Variants in IRX2 observed in about 807,000 individuals in gnomAD.
IRX2 encodes the protein iroquois-class homeodomain protein IRX-2.
In IRX2, 26 loss-of-function variants were observed where a neutral mutation model predicts 42.9. The ratio of observed to expected loss-of-function variants is 0.61; its 90% CI spans 0.44 to 0.84. The LOEUF (loss-of-function observed/expected upper bound fraction) is 0.84. Among genes scored for constraint, IRX2 ranks in the 40% least tolerant of loss-of-function variants. IRX2 has a pLI of 0.00. For missense variants in IRX2, 782 were observed against 713.9 expected (o/e 1.10, Z -1.09); for synonymous variants, 424 against 353.9 (o/e 1.20, Z -2.22).
intron 1 of IRX2, among the ~76,000 whole-genome samples, chr5:2,750,067 T>G (rs1357916166): frequency 6.6e-6 from 1 of 152,186 alleles, no homozygotes; most frequent in Non-Finnish European, 1.5e-5. Context: ...CTCGTGGCAA[T>G]GTACACAAAC....
the IRX2 span, among the ~76,000 whole-genome samples, chr5:2,739,195 G>C: frequency 3.9e-5 from 6 of 152,236 alleles, no homozygotes; most frequent in Non-Finnish European, 8.8e-5. Context: ...GGGCCCGCGG[G>C]GAGCGGTGCA....
chr5:2,742,488 A>T (rs779903702), downstream of IRX2, among the ~76,000 whole-genome samples: 1 of 152,264 alleles, frequency 6.6e-6, no homozygotes, highest in African/African-American at 2.4e-5. Flanking sequence ...GATGTTAATC[A>T]TAATATCCAC....
Position 2,748,693 on chromosome 5 carries a change from C to T in IRX2, c.1015G>A (p.Asp339Asn), listed in dbSNP as rs543381914. ...LWSLAEIATS[D>N]LKQPSLGPGC... is the part of the protein sequence containing the mutation. ...GGGCCCAGGCTCGGCTGCTTGAGGT[C>T]CGACGTGGCGATCTCGGCCAGCGAC... The change falls in exon 3 of 4, where the codon GAC becomes AAC. Residue 339 changes from aspartate to asparagine, a missense_variant. This residue lies in a region of IRX2 where 520 missense variants were observed against 437.8 expected (regional missense o/e 1.19). Coordinates refer to ENST00000302057, the MANE Select transcript of IRX2 (RefSeq NM_033267.5). 7 of 1,399,282 alleles carry T rather than the reference C, an allele frequency of 5.0e-6. No homozygotes were observed. The South Asian group carries it at 1.1e-4, about 22-fold the overall frequency. The allele number at this position is 1,399,282 out of a possible 1,614,324, so 86.7% of individuals were successfully genotyped here.
chr5:2,749,883 C>A (rs1489944597), intron 1 of IRX2, 96 bp from the exon 2 acceptor site: 3 of 1,311,336 alleles, frequency 2.3e-6, no homozygotes, highest in East Asian at 4.9e-5. Context: ...GGCCACCGTT[C>A]CCCCCGTGAG....
rs1560949679 is a variant in IRX2, at chr5:2,748,788, C to T, written c.920G>A (p.Gly307Asp). 1 of 1,411,090 alleles carries T rather than the reference C, an allele frequency of 7.1e-7. No individual in the cohort carries two copies. The allele number at this position is 1,411,090 out of a possible 1,614,324, so 87.4% of individuals were successfully genotyped here. ...CCGGCTGCCCTGGGGCGTCTTGCGGCCACCGCGGGGCGCGGCCTCGGGCGG... is the reference window on the plus strand; with the variant it reads ...CCGGCTGCCCTGGGGCGTCTTGCGGTCACCGCGGGGCGCGGCCTCGGGCGG... Reference protein sequence around the residue: ...SPPPEAAPRGGRKTPQGSRTS... With the variant: ...SPPPEAAPRGDRKTPQGSRTS... Residue 307 changes from glycine (G) to aspartate (D), a missense_variant, in exon 3 of 4, where the codon GGC becomes GAC. Transcript: ENST00000302057.
chr5:2,750,799 C>A (rs1387515955), intron 1 of IRX2, among the ~76,000 whole-genome samples: 3 of 152,236 alleles, frequency 2.0e-5, no homozygotes, highest in Non-Finnish European at 4.4e-5. Flanking sequence ...CAGGCGAGCA[C>A]ACAGCCCGCT....
rs1737804021 is a variant in IRX2, at chr5:2,748,916, C to T, written c.792G>A (p.Glu264=). ...SECKDKYDDL[E]DDEDDDEEGE... ...CCTCCTCGTCGTCGTCCTCGTCGTC[C>T]TCCAGGTCGTCATACTTGTCCTTGC... Residue 264 remains glutamate (E), a synonymous_variant, in exon 3 of 4, where the codon GAG becomes GAA. Transcript: ENST00000302057. 4 of 1,596,534 alleles carry T rather than the reference C, an allele frequency of 2.5e-6. No homozygotes were observed. The highest frequency in any genetic ancestry group is 1.3e-5 in the African/African-American group (1 of 74,760).
chr5:2,749,865 C>A, intron 1 of IRX2, 78 bp from the exon 2 acceptor site: 1 of 1,418,924 alleles, frequency 7.0e-7, no homozygotes, highest in Non-Finnish European at 9.4e-7. Flanking sequence ...ACCCCTCCGC[C>A]CGCCCACGGC....
In IRX2 at chr5:2,751,350, C is replaced by A; in HGVS notation, c.64G>T (p.Ala22Ser). Residue 22 changes from alanine to serine, a missense_variant, in exon 1 of 4, where the codon GCC becomes TCC. Transcript: ENST00000302057. This position sits in a 1 kb window ranked among gnomAD's most constrained non-coding sequence, Gnocchi z 4.0. ...PGSLALYSCP[A>S]YGASALAAPR... The stretch of plus-strand genomic sequence containing the variant: ...GCCGCCAAAGCCGACGCGCCGTAGG[C>A]CGGGCACGAGTAGAGCGCCAGCGAG... The A allele has an allele frequency of 6.9e-7, 1 of 1,439,722 alleles. No homozygotes were observed. The highest frequency in any genetic ancestry group is 9.1e-7 in the Non-Finnish European group (1 of 1,097,260). The allele number at this position is 1,439,722 out of a possible 1,614,324, so 89.2% of individuals were successfully genotyped here. A position where few individuals can be genotyped will look rare whatever the true frequency, so the allele number is the denominator to read the frequency against.
At chr5:2,746,058 T>C (rs2111440096), downstream of IRX2, 1 of 152,108 alleles carries the variant, frequency 6.6e-6, no homozygotes, top group Middle Eastern at 3.4e-3. Context: ...GAGAGTTTAT[T>C]TCACACAGGT....
chr5:2,748,569 C>T lies in IRX2; in HGVS notation c.1139G>A (p.Arg380His). The T allele has an allele frequency of 6.4e-7, 1 of 1,565,892 alleles. No homozygotes were observed. Residue 380 changes from arginine to histidine, a missense_variant, in exon 3 of 4, where the codon CGC becomes CAC. Transcript: ENST00000302057. ...SPYPASPLLG[R>H]PLYYTSPFYG... is the part of the protein sequence containing the mutation. ...GAAGGGCGACGTGTAGTAGAGGGGGCGGCCCAGCAGCGGCGAGGCAGGGTA... is the reference window on the plus strand; with the variant it reads ...GAAGGGCGACGTGTAGTAGAGGGGGTGGCCCAGCAGCGGCGAGGCAGGGTA...
At position 2,747,515 on chromosome 5, in the gene IRX2, T is replaced by C. The variant is rs1267836980; in HGVS notation, c.*49A>G. 1 of 1,567,758 alleles carries C rather than the reference T, an allele frequency of 6.4e-7. No individual in the cohort carries two copies. The highest frequency in any genetic ancestry group is 8.8e-7 in the Non-Finnish European group (1 of 1,138,460). On this transcript the variant is annotated 3_prime_UTR_variant, in exon 4 of 4. Transcript: ENST00000302057. ...TGGTGCTGGGAGGCTCCACAGGGTC[T>C]GGGAAGCACCAGGGTGCCCACTTAC...
the IRX2 span, among the ~76,000 whole-genome samples, chr5:2,738,382 CA>C: frequency 6.6e-6 from 1 of 152,192 alleles, no homozygotes; most frequent in Non-Finnish European, 1.5e-5. Flanking sequence ...CATTATAAAA[CA>C]AATTGTTTTT....
Position 2,751,180 on chromosome 5 carries a change from GC to G in IRX2, c.233del (p.Gly78AlafsTer17), listed in dbSNP as rs1312755968. ...YSADAAAAAA[G>X]FPSYMGAPYD... ...GCCCGGTTACCATGTAGGACGGGAA[GC>G]CGGCGGCGGCGGCGGCGGCGTCGGC... On this transcript the variant is annotated frameshift_variant, in exon 1 of 4. Coordinates refer to ENST00000302057, the MANE Select transcript of IRX2 (RefSeq NM_033267.5). LOFTEE classifies it high-confidence loss of function. This position sits in a 1 kb window ranked among gnomAD's most constrained non-coding sequence, Gnocchi z 4.0. 1 of 1,267,550 alleles carries G rather than the reference GC, an allele frequency of 7.9e-7. No homozygotes were observed. The highest frequency in any genetic ancestry group is 1.6e-5 in the African/African-American group (1 of 63,578). 78.5% of individuals were successfully genotyped at this position (1,267,550 alleles called of 1,614,324 possible).
chr5:2,749,579 A>G lies in IRX2; in HGVS notation c.458T>C (p.Ile153Thr). The G allele has an allele frequency of 6.2e-7, 1 of 1,614,078 alleles. No homozygotes were observed. Among genetic ancestry groups the G allele is most frequent in the Non-Finnish European group, 8.5e-7 (1 of 1,180,004 alleles). The change falls in exon 2 of 4, where the codon ATC becomes ACC. Residue 153 changes from isoleucine (I) to threonine (T), a missense_variant. Ile to Thr is a moderately conservative substitution (Grantham distance 89). Coordinates refer to ENST00000302057, the MANE Select transcript of IRX2 (RefSeq NM_033267.5). ...GACCTGGGTGAGGGTCATCTTGGTG[A>G]TGATGGCTAGCATGATCTTCTCGCC... is the stretch of plus-strand genomic sequence containing the variant. ...TKGEKIMLAI[I>T]TKMTLTQVST...
downstream of IRX2, among the ~76,000 whole-genome samples, chr5:2,741,086 C>T (rs1160924739): frequency 3.3e-5 from 5 of 152,260 alleles, no homozygotes; most frequent in East Asian, 5.8e-4. Context: ...ACACGCAGCG[C>T]CCTTCCCGGC....
intron 1 of IRX2, among the ~76,000 whole-genome samples, chr5:2,750,667 T>C (rs938794405): frequency 6.6e-6 from 1 of 152,236 alleles, no homozygotes; most frequent in African/African-American, 2.4e-5. Context: ...CGCAGCTGAA[T>C]GCTCGGCTCC....
the IRX2 span, among the ~76,000 whole-genome samples, chr5:2,736,327 C>T: frequency 1.3e-5 from 2 of 152,342 alleles, no homozygotes; most frequent in South Asian, 4.1e-4. Flanking sequence ...ACCCTGGCCC[C>T]TTCTGATGCG....
chr5:2,744,794 T>C (rs1452346893), downstream of IRX2, among the ~76,000 whole-genome samples: 1 of 152,178 alleles, frequency 6.6e-6, no homozygotes, highest in Non-Finnish European at 1.5e-5. Flanking sequence ...CTTCAATATT[T>C]AAAACTAACA....
Sources: gnomAD v4.1 joint callset for allele counts (sites outside exome capture counted in the v4.1 genomes callset) on GRCh38, gnomAD v4.1.1 for gene constraint, gnomAD v4.1.1 regional missense constraint, Gnocchi (gnomAD v3.1) non-coding constraint, MANE v1.5 for transcripts, NCBI Gene and HGNC (gene_info 2026-07-23, HGNC 2026-07-21) for gene names.